The following CSMD1 variants were observed in gnomAD, a reference collection of about 807,000 sequenced individuals.
CSMD1 encodes CUB and sushi domain-containing protein 1.
In CSMD1, 213 loss-of-function variants were observed where a neutral mutation model predicts 417.5. That is an observed-to-expected ratio of 0.51 (90% confidence interval 0.46 to 0.57). The LOEUF (loss-of-function observed/expected upper bound fraction) is 0.57, where lower values mean the gene tolerates loss of function less well. CSMD1 is among the 20% of genes least tolerant of loss of function. The pLI is 0.00. For missense variants in CSMD1, 6,923 were observed against 4,529.7 expected, an observed-to-expected ratio of 1.53 and a Z score of -15.17; for synonymous variants, 2,862 against 1,736.8, an observed-to-expected ratio of 1.65 and a Z score of -16.11.
chr8:3,303,211 G>C (rs1172746043), intron 25 of CSMD1, among the ~76,000 whole-genome samples: 1 of 152,128 alleles, frequency 6.6e-6, no homozygotes, highest in Non-Finnish European at 1.5e-5. Context: ...CCAACCCATG[G>C]TCTATGTACA....
At chr8:4,361,850 G>A (rs138494181) in intron 3 of CSMD1, among the ~76,000 whole-genome samples, 2,484 of 152,180 alleles carry the variant, frequency 0.016, 66 homozygotes, top group African/African-American at 0.056. Context: ...AGCTATTTGG[G>A]AGGCTAAGGC....
chr8:4,763,198 T>C (rs756212989), intron 1 of CSMD1, among the ~76,000 whole-genome samples: 2 of 152,208 alleles, frequency 1.3e-5, no homozygotes, highest in Non-Finnish European at 2.9e-5. Flanking sequence ...GGGGGTAGAA[T>C]TGACTTCAAA....
chr8:2,980,439 C>A (rs1805307832), intron 54 of CSMD1, among the ~76,000 whole-genome samples: 2 of 152,104 alleles, frequency 1.3e-5, no homozygotes, highest in East Asian at 1.9e-4. Context: ...TCTTCCTCCT[C>A]CTCCTCTTCT....
intron 1 of CSMD1, among the ~76,000 whole-genome samples, chr8:4,811,086 G>C (rs767242258): frequency 1.3e-5 from 2 of 152,162 alleles, no homozygotes; most frequent in African/African-American, 2.4e-5. Flanking sequence ...TTAGAGAAAG[G>C]TATTCTGTAA....
At chr8:4,058,199 T>G (rs1055725139) in intron 3 of CSMD1, among the ~76,000 whole-genome samples, 1 of 152,138 alleles carries the variant, frequency 6.6e-6, no homozygotes, top group African/African-American at 2.4e-5. Context: ...TTGTATCCTC[T>G]TTTATTTCAT....
At chr8:3,847,331 T>C (rs896068955) in intron 5 of CSMD1, among the ~76,000 whole-genome samples, 1 of 152,012 alleles carries the variant, frequency 6.6e-6, no homozygotes, top group Non-Finnish European at 1.5e-5. Context: ...GAGGAACCCT[T>C]AAAAGTGTTC....
chr8:3,629,059 C>T (rs951741189), intron 7 of CSMD1, among the ~76,000 whole-genome samples: 1 of 152,036 alleles, frequency 6.6e-6, no homozygotes, highest in East Asian at 1.9e-4. Context: ...GGGGAACAGA[C>T]AGTTATCGAC....
At chr8:3,807,617 G>C (rs1030397318) in intron 5 of CSMD1, among the ~76,000 whole-genome samples, 1 of 152,120 alleles carries the variant, frequency 6.6e-6, no homozygotes, top group Non-Finnish European at 1.5e-5. Flanking sequence ...ACATAATTGT[G>C]TTTCAGTTGT....
rs138883590 is a variant in CSMD1, at chr8:3,610,902, A to C, written c.1097+5808T>G. 8.8e-4 allele frequency among the ~76,000 whole-genome samples: 134 copies of C among 152,174 alleles called. 1 individual carries two copies. In the East Asian group the frequency reaches 0.025, roughly 29 times the overall value. On this transcript the variant is annotated intron_variant, in intron 8 of 69. Coordinates refer to ENST00000635120, the MANE Select transcript of CSMD1 (RefSeq NM_033225.6). The stretch of plus-strand genomic sequence containing the variant: ...TGCCTTTTCCATTGACAGTGCAGAA[A>C]CAATGATGGGAAAAACTGATGGCGA...
At chr8:4,798,518 C>G (rs1348849604) in intron 1 of CSMD1, among the ~76,000 whole-genome samples, 2 of 152,054 alleles carry the variant, frequency 1.3e-5, no homozygotes, top group African/African-American at 4.8e-5. Context: ...GATATGTGAA[C>G]AGACAGGTTA....
chr8:4,967,708 T>C (rs994913813), intron 1 of CSMD1, among the ~76,000 whole-genome samples: 8 of 152,206 alleles, frequency 5.3e-5, no homozygotes, highest in Admixed American at 2.6e-4. Context: ...TTAATAAGTC[T>C]GTGTGTGTGT....
At chr8:4,116,186 GT>G (rs1386729807) in intron 3 of CSMD1, among the ~76,000 whole-genome samples, 3 of 151,868 alleles carry the variant, frequency 2.0e-5, no homozygotes, top group East Asian at 3.9e-4. Context: ...TACAGACGGG[GT>G]TTCCCCATGT....
At chr8:4,256,238 C>G (rs903898138) in intron 3 of CSMD1, among the ~76,000 whole-genome samples, 1 of 152,168 alleles carries the variant, frequency 6.6e-6, no homozygotes, top group Non-Finnish European at 1.5e-5. Flanking sequence ...TCAAACCAAC[C>G]TTCTCTCTCT....
At chr8:4,268,915 C>G (rs1204008331) in intron 3 of CSMD1, among the ~76,000 whole-genome samples, 1 of 152,170 alleles carries the variant, frequency 6.6e-6, no homozygotes, top group Non-Finnish European at 1.5e-5. Flanking sequence ...CATCAAGATG[C>G]TTGCTATTTG....
intron 3 of CSMD1, among the ~76,000 whole-genome samples, chr8:4,224,251 G>C (rs1367749468): frequency 6.6e-6 from 1 of 151,214 alleles, no homozygotes; most frequent in Non-Finnish European, 1.5e-5. Context: ...AAAATAATTT[G>C]AAAATGCTTG....
At chr8:3,696,268 T>C (rs1239595668) in intron 7 of CSMD1, among the ~76,000 whole-genome samples, 2 of 152,228 alleles carry the variant, frequency 1.3e-5, no homozygotes, top group East Asian at 3.8e-4. Context: ...CTGCAAGTAT[T>C]CTAATAATAA....
intron 51 of CSMD1, among the ~76,000 whole-genome samples, chr8:3,027,148 T>A (rs1809992192): frequency 2.6e-5 from 4 of 152,056 alleles, no homozygotes; most frequent in Admixed American, 2.6e-4. Context: ...ATAGTAGATA[T>A]AAGAATAAAT....
chr8:4,258,215 G>C (rs1022948431), intron 3 of CSMD1, among the ~76,000 whole-genome samples: 1 of 148,426 alleles, frequency 6.7e-6, no homozygotes, highest in Admixed American at 6.8e-5. Flanking sequence ...AAAGTTCTGA[G>C]ATTAAAGGCA....
chr8:4,363,899 T>G (rs1035149824), intron 3 of CSMD1, among the ~76,000 whole-genome samples: 1 of 152,092 alleles, frequency 6.6e-6, no homozygotes, highest in Non-Finnish European at 1.5e-5. Flanking sequence ...TACCAGAGTC[T>G]AGAAAGGGTG....
Sources: allele counts gnomAD v4.1 joint callset (sites outside exome capture counted in the v4.1 genomes callset), GRCh38; gene constraint gnomAD v4.1.1; transcripts MANE v1.5; gene names NCBI Gene and HGNC (gene_info 2026-07-23, HGNC 2026-07-21).